CSNK2A2IP: variants seen among roughly 807,000 people sequenced by gnomAD.
CSNK2A2IP encodes casein kinase 2 subunit alpha' interacting protein.
the CSNK2A2IP span, among the ~76,000 whole-genome samples, chr3:88,380,691 A>G: frequency 6.6e-6 from 1 of 152,212 alleles, no homozygotes; most frequent in South Asian, 2.1e-4. Flanking sequence ...GTAAAGTAGA[A>G]TACTGACCTA....
the CSNK2A2IP span, among the ~76,000 whole-genome samples, chr3:88,371,055 T>C: frequency 6.6e-6 from 1 of 151,442 alleles, no homozygotes. Flanking sequence ...TAAATTTATG[T>C]TGTTTAAACC....
the CSNK2A2IP span, among the ~76,000 whole-genome samples, chr3:88,354,280 A>G: frequency 6.6e-6 from 1 of 152,228 alleles, no homozygotes; most frequent in African/African-American, 2.4e-5. Flanking sequence ...TTTCAATAGT[A>G]TAGAATATGG....
the CSNK2A2IP span, among the ~76,000 whole-genome samples, chr3:88,344,665 T>C: frequency 1.3e-5 from 2 of 151,938 alleles, no homozygotes; most frequent in Non-Finnish European, 2.9e-5. Flanking sequence ...TGTCTCCCAT[T>C]CCATTGGAAA....
chr3:88,390,275 A>T, the CSNK2A2IP span, among the ~76,000 whole-genome samples: 2 of 152,212 alleles, frequency 1.3e-5, no homozygotes, highest in African/African-American at 2.4e-5. Flanking sequence ...CCGTCCATGT[A>T]GCTTTTTTGG....
chr3:88,406,545 T>A, the CSNK2A2IP span, among the ~76,000 whole-genome samples: 2 of 152,164 alleles, frequency 1.3e-5, no homozygotes, highest in South Asian at 4.1e-4. Flanking sequence ...AATGATCAGA[T>A]CTTAGGGAAT....
the CSNK2A2IP span, among the ~76,000 whole-genome samples, chr3:88,426,889 T>TGGGGGGGGGGGGGG: frequency 8.1e-6 from 1 of 123,740 alleles, no homozygotes; most frequent in Non-Finnish European, 1.7e-5. Flanking sequence ...CCACGGGGGA[T>TGGGGGGGGGGGGGG]GGGGGGGGGC....
the CSNK2A2IP span, among the ~76,000 whole-genome samples, chr3:88,442,131 T>TTCAATATATG: frequency 3.9e-5 from 6 of 152,170 alleles, no homozygotes; most frequent in Non-Finnish European, 7.3e-5. Context: ...TGTATATAAT[T>TTCAATATATG]TCAATATATA....
At chr3:88,375,986 A>G in the CSNK2A2IP span, among the ~76,000 whole-genome samples, 1 of 151,484 alleles carries the variant, frequency 6.6e-6, no homozygotes, top group Non-Finnish European at 1.5e-5. Context: ...GCTCAATCCT[A>G]TTCAGATTTC....
At chr3:88,390,560 A>G in the CSNK2A2IP span, among the ~76,000 whole-genome samples, 1 of 152,362 alleles carries the variant, frequency 6.6e-6, no homozygotes, top group African/African-American at 2.4e-5. Context: ...ATGAGAAAAA[A>G]TATAGCAAAA....
chr3:88,391,458 T>C, the CSNK2A2IP span, among the ~76,000 whole-genome samples: 1 of 152,130 alleles, frequency 6.6e-6, no homozygotes, highest in Admixed American at 6.5e-5. Context: ...GTTAGAATAT[T>C]TCAAAAGGAA....
chr3:88,421,881 C>G, the CSNK2A2IP span, among the ~76,000 whole-genome samples: 1 of 151,936 alleles, frequency 6.6e-6, no homozygotes. Context: ...AGAAACTATT[C>G]TAGAAACAAT....
At chr3:88,399,729 A>G in the CSNK2A2IP span, 1 of 152,166 alleles carries the variant, frequency 6.6e-6, no homozygotes, top group Non-Finnish European at 1.5e-5. Context: ...CACTCCAACT[A>G]CAATTAGCGA....
chr3:88,431,854 C>T, the CSNK2A2IP span, among the ~76,000 whole-genome samples: 1 of 151,986 alleles, frequency 6.6e-6, no homozygotes. Flanking sequence ...AATTAAGCAG[C>T]TATATATTGG....
the CSNK2A2IP span, among the ~76,000 whole-genome samples, chr3:88,435,976 T>TAATGCACATTATG: frequency 4.7e-5 from 7 of 147,744 alleles, no homozygotes; most frequent in African/African-American, 1.0e-4. Context: ...ATTATATATA[T>TAATGCACATTATG]TTCAGGAAAA....
the CSNK2A2IP span, among the ~76,000 whole-genome samples, chr3:88,422,579 A>G: frequency 6.6e-6 from 1 of 152,240 alleles, no homozygotes; most frequent in Non-Finnish European, 1.5e-5. Context: ...GTTTACTACA[A>G]AAATGACATT....
chr3:88,412,756 T>G, the CSNK2A2IP span, among the ~76,000 whole-genome samples: 5,146 of 152,116 alleles, frequency 0.034, 350 homozygotes, highest in African/African-American at 0.11. Flanking sequence ...CTATTACTCC[T>G]AGGCTACAAA....
the CSNK2A2IP span, among the ~76,000 whole-genome samples, chr3:88,359,287 C>G: frequency 2.0e-5 from 3 of 151,496 alleles, no homozygotes; most frequent in Non-Finnish European, 4.4e-5. Context: ...CTTAGTCTGG[C>G]TAAAGGTTGT....
the CSNK2A2IP span, among the ~76,000 whole-genome samples, chr3:88,439,740 C>CA: frequency 0.2 from 23,790 of 119,838 alleles, 2,533 homozygotes; most frequent in East Asian, 0.35. Flanking sequence ...GACTCTGTCT[C>CA]AAAAAAAAAA....
chr3:88,369,014 G>C, the CSNK2A2IP span, among the ~76,000 whole-genome samples: 4 of 152,012 alleles, frequency 2.6e-5, no homozygotes, highest in African/African-American at 7.2e-5. Context: ...CCACATCTAG[G>C]TATGACTGAG....
Sources: allele counts gnomAD v4.1 joint callset (sites outside exome capture counted in the v4.1 genomes callset), GRCh38; gene constraint gnomAD v4.1.1; transcripts MANE v1.5; gene names NCBI Gene and HGNC (gene_info 2026-07-23, HGNC 2026-07-21).